SLC30A9: variants seen among roughly 807,000 people sequenced by gnomAD.
The protein encoded by SLC30A9 is solute carrier family 30 member 9.
Under a neutral mutation model 87.5 loss-of-function variants are expected in SLC30A9, and 58 were observed. That is an observed-to-expected ratio of 0.66 (90% confidence interval 0.54 to 0.82). The LOEUF (loss-of-function observed/expected upper bound fraction) is 0.82. SLC30A9 is among the 40% of genes least tolerant of loss of function. The pLI is 0.00. For synonymous variants in SLC30A9, 234 were observed against 233.0 expected, an observed-to-expected ratio of 1.00 and a Z score of -0.04; for missense variants, 557 against 679.1, an observed-to-expected ratio of 0.82 and a Z score of 2.00.
intron 3 of SLC30A9, among the ~76,000 whole-genome samples, chr4:42,019,979 T>A (rs554754954): frequency 6.6e-6 from 1 of 152,120 alleles, no homozygotes; most frequent in African/African-American, 2.4e-5. Context: ...ATTTTTTTTT[T>A]AGTAGAGACA....
In SLC30A9 at chr4:42,088,038, A is replaced by T. The variant is rs1267147584; in HGVS notation, c.*1912A>T. On this transcript the variant is annotated 3_prime_UTR_variant, in exon 18 of 18. Transcript: ENST00000264451. Reference sequence around the variant, plus strand: ...TAATAAAAAAAAAAAAAATTCTGATATTTCTTTTTAAATCTGATTTTGGTT... The same window carrying T: ...TAATAAAAAAAAAAAAAATTCTGATTTTTCTTTTTAAATCTGATTTTGGTT... The T allele has an allele frequency of 2.0e-5, 3 of 149,886 alleles. No homozygotes were observed. The highest frequency in any genetic ancestry group is 4.4e-5 in the Non-Finnish European group (3 of 67,496). 9.3% of individuals were successfully genotyped at this position (149,886 alleles called of 1,614,324 possible).
At chr4:42,084,574 C>G (rs1718853950) in intron 17 of SLC30A9, among the ~76,000 whole-genome samples, 1 of 152,126 alleles carries the variant, frequency 6.6e-6, no homozygotes, top group Non-Finnish European at 1.5e-5. Context: ...CGGGTTCAAG[C>G]GATTCTCCTG....
intron 1 of SLC30A9, among the ~76,000 whole-genome samples, chr4:41,997,436 G>T (rs1261299670): frequency 6.7e-6 from 1 of 148,468 alleles, no homozygotes; most frequent in Non-Finnish European, 1.5e-5. Flanking sequence ...ACATTCTTAG[G>T]TTTTTTTTTT....
intron 8 of SLC30A9, among the ~76,000 whole-genome samples, chr4:42,047,896 C>CT (rs1717231465): frequency 6.6e-6 from 1 of 152,080 alleles, no homozygotes; most frequent in Admixed American, 6.5e-5. Context: ...AATATGCAGC[C>CT]ATAAAAAAGG....
At chr4:42,039,371 G>C (rs1716820213) in intron 8 of SLC30A9, among the ~76,000 whole-genome samples, 1 of 151,860 alleles carries the variant, frequency 6.6e-6, no homozygotes, top group South Asian at 2.1e-4. Flanking sequence ...AACCAACCTG[G>C]GTTACAGCTA....
intron 6 of SLC30A9, among the ~76,000 whole-genome samples, chr4:42,031,992 G>A (rs902949629): frequency 2.0e-5 from 3 of 152,174 alleles, no homozygotes; most frequent in African/African-American, 4.8e-5. Context: ...TGTATAGAAA[G>A]CATAGAAGCT....
At chr4:42,057,569 C>A (rs1376284336) in intron 9 of SLC30A9, among the ~76,000 whole-genome samples, 1 of 152,120 alleles carries the variant, frequency 6.6e-6, no homozygotes, top group Non-Finnish European at 1.5e-5. Context: ...TAGGCCCAGC[C>A]CACAAAACCA....
chr4:42,070,735 A>G, intron 15 of SLC30A9, 44 bp downstream of exon 15: 1 of 1,505,400 alleles, frequency 6.6e-7, no homozygotes, highest in Non-Finnish European at 9.0e-7. Context: ...ACAAAAACAT[A>G]TTAAAAAACA....
intron 14 of SLC30A9, 79 bp downstream of exon 14, chr4:42,067,271 T>C: frequency 1.1e-6 from 1 of 881,306 alleles, no homozygotes; most frequent in Non-Finnish European, 1.9e-6. Flanking sequence ...TTCTCTTATA[T>C]CATTGAATAA....
rs977405595 is a variant in SLC30A9 at position 42,031,285 on chromosome 4, A to C, written c.611-3990A>C. On this transcript the variant is annotated intron_variant, in intron 6 of 17. Transcript: ENST00000264451. ...ATACATGAAAAAAAAAAAACAGAAG[A>C]CATCTGCAGCAGATATATTTTCCAA... 3.9e-5 allele frequency among the ~76,000 whole-genome samples: 6 copies of C among 151,992 alleles called. No homozygotes were observed. The South Asian group carries it at 1.2e-3, about 31-fold the overall frequency.
chr4:42,005,592 G>A (rs777491166), intron 2 of SLC30A9, among the ~76,000 whole-genome samples: 3 of 152,280 alleles, frequency 2.0e-5, no homozygotes, highest in Admixed American at 6.5e-5. Context: ...TTCCATGCCC[G>A]TTGTAGCTCT....
intron 8 of SLC30A9, among the ~76,000 whole-genome samples, chr4:42,046,887 T>C (rs1717182261): frequency 2.0e-5 from 3 of 152,096 alleles, no homozygotes; most frequent in South Asian, 4.2e-4. Flanking sequence ...AAAACAGATA[T>C]ATAGACCAAT....
intron 1 of SLC30A9, among the ~76,000 whole-genome samples, chr4:41,993,828 T>G (rs1215623700): frequency 6.6e-6 from 1 of 152,226 alleles, no homozygotes; most frequent in Non-Finnish European, 1.5e-5. Context: ...ACCTTTATTA[T>G]GGGCTGGTGA....
intron 17 of SLC30A9, among the ~76,000 whole-genome samples, chr4:42,081,933 G>T (rs1718752651): frequency 6.6e-6 from 1 of 152,084 alleles, no homozygotes; most frequent in Non-Finnish European, 1.5e-5. Flanking sequence ...ATAAAGCATG[G>T]CCGGGCGCGT....
chr4:42,027,231 T>C (rs1198196850), intron 6 of SLC30A9, among the ~76,000 whole-genome samples: 2 of 152,144 alleles, frequency 1.3e-5, no homozygotes, highest in Non-Finnish European at 2.9e-5. Context: ...CAGATGAAAA[T>C]TAAATGAAAT....
intron 2 of SLC30A9, among the ~76,000 whole-genome samples, chr4:42,003,779 A>C (rs1489525582): frequency 6.7e-6 from 1 of 149,964 alleles, no homozygotes; most frequent in Non-Finnish European, 1.5e-5. Flanking sequence ...TTTTTTTCTC[A>C]TTCCGTCATC....
In SLC30A9 at chr4:42,087,378, T is replaced by C. The variant is rs1220953347; in HGVS notation, c.*1252T>C. Reference sequence around the variant, plus strand: ...TCATATGAGAATGGCGGCTGGGTGATCTCTTTGCTGAATTAATGAGTTCTT... The same window carrying C: ...TCATATGAGAATGGCGGCTGGGTGACCTCTTTGCTGAATTAATGAGTTCTT... On this transcript the variant is annotated 3_prime_UTR_variant, in exon 18 of 18. Transcript: ENST00000264451. 1.3e-5 allele frequency: 2 copies of C among 152,192 alleles called. No homozygotes were observed. The highest frequency in any genetic ancestry group is 3.8e-4 in the East Asian group (2 of 5,204). The allele number at this position is 152,192 out of a possible 1,614,324, so 9.4% of individuals were successfully genotyped here.
intron 6 of SLC30A9, chr4:42,029,637 A>C (rs1161945364): frequency 4.6e-6 from 3 of 651,986 alleles, no homozygotes; most frequent in Non-Finnish European, 8.0e-6. Flanking sequence ...ACTTTAATCA[A>C]GAATGAGGTG....
At chr4:42,030,599 T>TGGAGGG (rs1716389995) in intron 6 of SLC30A9, among the ~76,000 whole-genome samples, 32 of 148,492 alleles carry the variant, frequency 2.2e-4, no homozygotes, top group African/African-American at 7.2e-4. Flanking sequence ...TTTTTTTTTT[T>TGGAGGG]GGGCTCTTTC....
Sources: gnomAD v4.1 joint callset for allele counts (sites outside exome capture counted in the v4.1 genomes callset) on GRCh38, gnomAD v4.1.1 for gene constraint, MANE v1.5 for transcripts, NCBI Gene and HGNC (gene_info 2026-07-23, HGNC 2026-07-21) for gene names.